Variants in SVIL observed in about 807,000 individuals in gnomAD.
SVIL encodes the protein archvillin.
SVIL carries 101 observed loss-of-function variants against 240.4 expected under a neutral mutation model. The observed-to-expected ratio is 0.42, with a 90% CI of 0.36 to 0.50. SVIL has a LOEUF of 0.50. SVIL is among the 20% of genes least tolerant of loss of function. The pLI is 0.01. For missense variants in SVIL, 2,512 were observed against 2,818.7 expected (o/e 0.89, Z 2.46); for synonymous variants, 999 against 1,100.0 (o/e 0.91, Z 1.82).
intron 24 of SVIL, 28 bp from the exon 25 acceptor site, chr10:29,486,585 G>A: frequency 8.7e-6 from 14 of 1,613,658 alleles, no homozygotes; most frequent in Non-Finnish European, 1.1e-5. Context: ...ACAATTGCCT[G>A]GGTAGAAAAG....
At chr10:29,676,778 G>A (rs1416299296) in intron 2 of SVIL, among the ~76,000 whole-genome samples, 1 of 152,192 alleles carries the variant, frequency 6.6e-6, no homozygotes, top group African/African-American at 2.4e-5. Context: ...CTACATTTAG[G>A]TTGGCATTTG....
chr10:29,494,293 C>T (rs1313438864), intron 20 of SVIL, among the ~76,000 whole-genome samples: 1 of 152,164 alleles, frequency 6.6e-6, no homozygotes, highest in East Asian at 1.9e-4. Context: ...ACTGGCATTC[C>T]CTGCCTAGCC....
chr10:29,733,420 G>GCTC (rs1240661793), intron 1 of SVIL, among the ~76,000 whole-genome samples: 1 of 152,078 alleles, frequency 6.6e-6, no homozygotes, highest in Non-Finnish European at 1.5e-5. Flanking sequence ...GAACTCTTGG[G>GCTC]CTCAAGCGAT....
chr10:29,560,785 A>T (rs546653264), intron 3 of SVIL, among the ~76,000 whole-genome samples: 1 of 151,898 alleles, frequency 6.6e-6, no homozygotes, highest in Non-Finnish European at 1.5e-5. Context: ...AAGCAAAGAT[A>T]TGTGAAATAA....
intron 2 of SVIL, among the ~76,000 whole-genome samples, chr10:29,666,702 G>C (rs1959326362): frequency 6.6e-6 from 1 of 152,214 alleles, no homozygotes; most frequent in Non-Finnish European, 1.5e-5. Context: ...TCCGGCAATA[G>C]TGAAGCTAGA....
intron 18 of SVIL, among the ~76,000 whole-genome samples, chr10:29,498,112 A>G (rs1460932658): frequency 3.4e-5 from 5 of 149,108 alleles, no homozygotes; most frequent in East Asian, 2.0e-4. Context: ...AAAAAAAAAA[A>G]AAAAAGAAAA....
intron 1 of SVIL, among the ~76,000 whole-genome samples, chr10:29,608,091 T>C (rs551656061): frequency 2.1e-4 from 32 of 152,326 alleles, no homozygotes; most frequent in African/African-American, 7.7e-4. Context: ...GATTTGGCAG[T>C]CACTTTGAGT....
chr10:29,470,947 C>T (rs960372597), intron 31 of SVIL, among the ~76,000 whole-genome samples, 191 bp downstream of exon 31: 2 of 152,010 alleles, frequency 1.3e-5, no homozygotes, highest in Admixed American at 6.6e-5. Context: ...GGTGAATCCC[C>T]GAGTAAATTC....
At chr10:29,696,165 A>G (rs1589530604) in intron 1 of SVIL, among the ~76,000 whole-genome samples, 1 of 151,838 alleles carries the variant, frequency 6.6e-6, no homozygotes, top group African/African-American at 2.4e-5. Context: ...TGTTGGCCAG[A>G]CTGGTCTCCA....
intron 1 of SVIL, among the ~76,000 whole-genome samples, chr10:29,724,628 T>C (rs999918991): frequency 5.3e-5 from 8 of 152,240 alleles, no homozygotes; most frequent in African/African-American, 1.9e-4. Context: ...AGGAAGTGGA[T>C]GGACATCATC....
rs1298469067 is a variant in SVIL, at chr10:29,555,096, CT to C, written c.-39del. On this transcript the variant is annotated 5_prime_UTR_variant, in exon 4 of 38. Transcript: ENST00000355867. ...TTTCTTCTTTGGTTCAAAGATTTGT[CT>C]TAATTCTGCAACTGGAAGAAAACCA... is the stretch of plus-strand genomic sequence containing the variant. 4 of 1,608,606 alleles carry C rather than the reference CT, an allele frequency of 2.5e-6. No individual in the cohort carries two copies. The South Asian group carries it at 4.4e-5, about 18-fold the overall frequency.
intron 2 of SVIL, among the ~76,000 whole-genome samples, chr10:29,568,770 C>CGTGG (rs1433247266): frequency 1.3e-5 from 2 of 148,474 alleles, no homozygotes; most frequent in African/African-American, 5.1e-5. Flanking sequence ...GAATAACTCA[C>CGTGG]ATGGATGGGT....
intron 6 of SVIL, among the ~76,000 whole-genome samples, chr10:29,537,622 G>T (rs1026083689): frequency 5.3e-5 from 8 of 152,170 alleles, no homozygotes; most frequent in African/African-American, 1.7e-4. Flanking sequence ...CTATCTGCAA[G>T]AATTTTTCAA....
chr10:29,651,379 G>A (rs954154625), intron 3 of SVIL, among the ~76,000 whole-genome samples: 2 of 152,184 alleles, frequency 1.3e-5, no homozygotes, highest in East Asian at 1.9e-4. Flanking sequence ...CAAACCATTC[G>A]GATCTGGAGT....
intron 6 of SVIL, among the ~76,000 whole-genome samples, chr10:29,547,640 C>T (rs117492262): frequency 2.6e-5 from 4 of 152,230 alleles, no homozygotes; most frequent in East Asian, 1.9e-4. Context: ...AAGATTTTAA[C>T]TCATACGAAA....
intron 3 of SVIL, among the ~76,000 whole-genome samples, chr10:29,558,735 T>A (rs1423553630): frequency 6.6e-6 from 1 of 151,452 alleles, no homozygotes; most frequent in Middle Eastern, 3.2e-3. Flanking sequence ...GAGACTAGTG[T>A]GGCTAACATG....
intron 2 of SVIL, among the ~76,000 whole-genome samples, chr10:29,672,054 A>G (rs1353041804): frequency 6.6e-6 from 1 of 152,198 alleles, no homozygotes; most frequent in African/African-American, 2.4e-5. Context: ...TGAAACCTAT[A>G]GGCTCCCTCT....
rs1177586478 is a variant in SVIL, at chr10:29,562,764, AAAAAG to A, written c.-51+432_-51+436del. Among the ~76,000 whole-genome samples the A allele has an allele frequency of 4.3e-4, 37 of 86,778 alleles. 1 individual carries two copies. The highest frequency in any genetic ancestry group is 2.2e-3 in the African/African-American group (32 of 14,376). The allele number at this position is 86,778 out of a possible 152,430, so 56.9% of individuals were successfully genotyped here. ...CGACAGAGCGAGACTCCGTCTCAAA[AAAAAG>A]AAAAAAAAAAAAAAAAAAAAAAAAA... On this transcript the variant is annotated intron_variant, in intron 3 of 37. Coordinates refer to ENST00000355867, the MANE Select transcript of SVIL (RefSeq NM_021738.3).
intron 16 of SVIL, among the ~76,000 whole-genome samples, chr10:29,520,848 C>T (rs1311629939): frequency 6.7e-6 from 1 of 148,302 alleles, no homozygotes; most frequent in African/African-American, 2.5e-5. Flanking sequence ...TCCAGGAGTT[C>T]GAGGCTGCAG....
Sources: allele counts gnomAD v4.1 joint callset (sites outside exome capture counted in the v4.1 genomes callset), GRCh38; gene constraint gnomAD v4.1.1; transcripts MANE v1.5; gene names NCBI Gene and HGNC (gene_info 2026-07-23, HGNC 2026-07-21).